The following DIRAS2 variants were observed in gnomAD, a reference collection of about 807,000 sequenced individuals.
The protein encoded by DIRAS2 is DIRAS family GTPase 2.
DIRAS2 carries 5 observed loss-of-function variants against 13.9 expected under a neutral mutation model. The observed-to-expected ratio is 0.36, with a 90% CI of 0.19 to 0.76. DIRAS2 has a LOEUF of 0.76. Among genes scored for constraint, DIRAS2 ranks in the 30% least tolerant of loss-of-function variants. DIRAS2 has a pLI of 0.53. For synonymous variants in DIRAS2, 111 were observed against 105.4 expected, an observed-to-expected ratio of 1.05 and a Z score of -0.33; for missense variants, 191 against 263.0, an observed-to-expected ratio of 0.73 and a Z score of 1.89.
chr9:90,620,433 A>G (rs573513359), intron 1 of DIRAS2, among the ~76,000 whole-genome samples: 1 of 152,318 alleles, frequency 6.6e-6, no homozygotes, highest in South Asian at 2.1e-4. Context: ...GAAAAGCAGT[A>G]CCCTAAATTA....
intron 1 of DIRAS2, among the ~76,000 whole-genome samples, chr9:90,622,284 A>ACAT (rs1825226249): frequency 6.6e-6 from 1 of 152,012 alleles, no homozygotes; most frequent in African/African-American, 2.4e-5. Context: ...ATTCATACAT[A>ACAT]CATACATACA....
At chr9:90,630,842 C>A (rs545970859) in intron 1 of DIRAS2, among the ~76,000 whole-genome samples, 3 of 152,238 alleles carry the variant, frequency 2.0e-5, no homozygotes, top group Admixed American at 1.3e-4. Flanking sequence ...CTTTGGAAAC[C>A]TAATCATCCT....
chr9:90,626,836 C>G (rs1175539106), intron 1 of DIRAS2, among the ~76,000 whole-genome samples: 1 of 151,992 alleles, frequency 6.6e-6, no homozygotes, highest in Non-Finnish European at 1.5e-5. Flanking sequence ...CACAATAGCC[C>G]GAAGGTGGAA....
At chr9:90,641,816 G>A (rs1474006706) in intron 1 of DIRAS2, among the ~76,000 whole-genome samples, 1 of 152,150 alleles carries the variant, frequency 6.6e-6, no homozygotes, top group Non-Finnish European at 1.5e-5. Context: ...GAAAAGTTCT[G>A]ATATGCTGGA....
Position 90,636,027 on chromosome 9 carries a change from C to CTTTTTTTTTTTT in DIRAS2, c.-37+6713_-37+6724dup, listed in dbSNP as rs1172661795. Reference sequence around the variant, plus strand: ...AGGATAGAGAATACAACTGAATATTCTTTTTTTTTTTTTTTTTTTTTTTTT... The same window carrying CTTTTTTTTTTTT: ...AGGATAGAGAATACAACTGAATATTCTTTTTTTTTTTTTTTTTTTTTTTTTTTTTTTTTTTTT... On this transcript the variant is annotated intron_variant, in intron 1 of 1. Transcript: ENST00000375765. Among the ~76,000 whole-genome samples, 4 of 66,250 alleles carry CTTTTTTTTTTTT rather than the reference C, an allele frequency of 6.0e-5. 1 individual carries two copies. The highest frequency in any genetic ancestry group is 1.1e-4 in the Non-Finnish European group (4 of 37,266). The allele number at this position is 66,250 out of a possible 152,430, so 43.5% of individuals were successfully genotyped here. A position where few individuals can be genotyped will look rare whatever the true frequency, so the allele number is the denominator to read the frequency against.
chr9:90,617,182 C>T (rs779106932), intron 1 of DIRAS2, among the ~76,000 whole-genome samples: 3 of 152,118 alleles, frequency 2.0e-5, no homozygotes, highest in Non-Finnish European at 4.4e-5. Flanking sequence ...GTGGCACTCA[C>T]CATCAATCAA....
intron 1 of DIRAS2, among the ~76,000 whole-genome samples, chr9:90,626,723 A>G (rs1825273180): frequency 6.6e-6 from 1 of 152,228 alleles, no homozygotes; most frequent in Non-Finnish European, 1.5e-5. Context: ...AATCAAAGAT[A>G]GAATTACTGT....
In DIRAS2 at chr9:90,612,057, T is replaced by C. The variant is rs2118531179; in HGVS notation, c.*1171A>G. 6.5e-6 allele frequency: 1 copy of C among 152,710 alleles called. No homozygotes were observed. The highest frequency in any genetic ancestry group is 2.1e-4 in the South Asian group (1 of 4,830). 9.5% of individuals were successfully genotyped at this position (152,710 alleles called of 1,614,324 possible). A position where few individuals can be genotyped will look rare whatever the true frequency, so the allele number is the denominator to read the frequency against. ...GAGAAAAAGATAATTGTTTCTAGAGTGAATACTGTATTGAACAGCTCTTAG... is the reference window on the plus strand; with the variant it reads ...GAGAAAAAGATAATTGTTTCTAGAGCGAATACTGTATTGAACAGCTCTTAG... On this transcript the variant is annotated 3_prime_UTR_variant, in exon 2 of 2. Coordinates refer to ENST00000375765, the MANE Select transcript of DIRAS2 (RefSeq NM_017594.5).
In DIRAS2 at chr9:90,640,623, C is replaced by T. The variant is rs1825410500; in HGVS notation, c.-37+2129G>A. On this transcript the variant is annotated intron_variant, in intron 1 of 1. Transcript: ENST00000375765. ...GTTCTGCTCTTAAAAAGACATCTGTCCACTGTCAATACTTATACCAGGTAG... is the reference window on the plus strand; with the variant it reads ...GTTCTGCTCTTAAAAAGACATCTGTTCACTGTCAATACTTATACCAGGTAG... Among the ~76,000 whole-genome samples the T allele has an allele frequency of 1.3e-5, 2 of 152,320 alleles. 1 individual carries two copies. Among genetic ancestry groups the T allele is most frequent in the South Asian group, 4.1e-4 (2 of 4,820 alleles).
rs575621814 is a variant in DIRAS2, at chr9:90,635,902, G to T, written c.-37+6850C>A. Among the ~76,000 whole-genome samples, 7 of 152,186 alleles carry T rather than the reference G, an allele frequency of 4.6e-5. 1 individual carries two copies. Among genetic ancestry groups the T allele is most frequent in the South Asian group, 2.1e-4 (1 of 4,816 alleles). On this transcript the variant is annotated intron_variant, in intron 1 of 1. Coordinates refer to ENST00000375765, the MANE Select transcript of DIRAS2 (RefSeq NM_017594.5). ...CAACCAAGAGGTCTGGGTTCCATCT[G>T]CAGTCTCAGGATTCCAGGGCAAGAC...
chr9:90,640,950 T>A (rs1157650962), intron 1 of DIRAS2, among the ~76,000 whole-genome samples: 1 of 152,228 alleles, frequency 6.6e-6, no homozygotes, highest in African/African-American at 2.4e-5. Flanking sequence ...TTATCACAGA[T>A]ACACTCTCTT....
chr9:90,633,473 T>C (rs774436689), intron 1 of DIRAS2, among the ~76,000 whole-genome samples: 1 of 152,090 alleles, frequency 6.6e-6, no homozygotes, highest in Non-Finnish European at 1.5e-5. Flanking sequence ...CCAAGTGCCT[T>C]TGGGACAGTC....
chr9:90,630,249 T>C (rs562530973), intron 1 of DIRAS2, among the ~76,000 whole-genome samples: 1 of 152,322 alleles, frequency 6.6e-6, no homozygotes, highest in East Asian at 1.9e-4. Flanking sequence ...AATACATTTT[T>C]GTGTGTGTGA....
chr9:90,613,438 C>A lies in DIRAS2; in HGVS notation c.390G>T (p.Glu130Asp), dbSNP rs753583908. 6.2e-7 allele frequency: 1 copy of A among 1,614,000 alleles called. No homozygotes were observed. Among genetic ancestry groups the A allele is most frequent in the East Asian group, 2.2e-5 (1 of 44,872 alleles). The change falls in exon 2 of 2, where the codon GAG becomes GAT. Residue 130 changes from glutamate (E) to aspartate (D), a missense_variant. Coordinates refer to ENST00000375765, the MANE Select transcript of DIRAS2 (RefSeq NM_017594.5). This position sits in a 1 kb window ranked among gnomAD's most constrained non-coding sequence, Gnocchi z 5.6. ...AGGCCTCCGCCTCGCTGCTCTGCAC[C>A]TCGCGGCTGGGGCTCTCATCACACT... is the stretch of plus-strand genomic sequence containing the variant. ...GNKCDESPSR[E>D]VQSSEAEALA...
At chr9:90,632,731 T>A (rs1351550838) in intron 1 of DIRAS2, among the ~76,000 whole-genome samples, 5 of 152,228 alleles carry the variant, frequency 3.3e-5, no homozygotes, top group Admixed American at 6.5e-5. Context: ...CATGAATCTG[T>A]GTTTTGCTTC....
intron 1 of DIRAS2, among the ~76,000 whole-genome samples, chr9:90,630,028 T>C (rs986966988): frequency 6.6e-6 from 1 of 152,236 alleles, no homozygotes; most frequent in Non-Finnish European, 1.5e-5. Context: ...CTTTGATACA[T>C]ATATTCTTCT....
At position 90,613,736 on chromosome 9, in the gene DIRAS2, G is replaced by A; in HGVS notation, c.92C>T (p.Thr31Ile). The change falls in exon 2 of 2, where the codon ACA (threonine) becomes ATA (isoleucine). Residue 31 changes from threonine to isoleucine, a missense_variant. Transcript: ENST00000375765. This position sits in a 1 kb window ranked among gnomAD's most constrained non-coding sequence, Gnocchi z 5.6. ...CGTCGGGATGTAGCTCTCCCGGAAT[G>A]TGCCTTTCACAAACCTCAACACCAG... ...SSLVLRFVKG[T>I]FRESYIPTVE... 1.9e-6 allele frequency: 3 copies of A among 1,614,150 alleles called. No homozygotes were observed. The highest frequency in any genetic ancestry group is 1.7e-6 in the Non-Finnish European group (2 of 1,180,034).
At chr9:90,627,382 G>A (rs902331525) in intron 1 of DIRAS2, among the ~76,000 whole-genome samples, 8 of 152,150 alleles carry the variant, frequency 5.3e-5, no homozygotes, top group African/African-American at 7.2e-5. Context: ...GCTACAACAC[G>A]GATGAACCTT....
intron 1 of DIRAS2, among the ~76,000 whole-genome samples, chr9:90,632,669 G>A (rs1384659376): frequency 6.6e-6 from 1 of 152,168 alleles, no homozygotes; most frequent in East Asian, 1.9e-4. Context: ...CCCAGTACTT[G>A]AACACTGCCT....
Sources: gnomAD v4.1 joint callset for allele counts (sites outside exome capture counted in the v4.1 genomes callset) on GRCh38, gnomAD v4.1.1 for gene constraint, Gnocchi (gnomAD v3.1) non-coding constraint, MANE v1.5 for transcripts, NCBI Gene and HGNC (gene_info 2026-07-23, HGNC 2026-07-21) for gene names.